The following ELMO1 variants were observed in gnomAD, a reference collection of about 807,000 sequenced individuals.
ELMO1 encodes the protein engulfment and cell motility protein 1.
A neutral mutation model predicts 98.9 loss-of-function variants in ELMO1; 26 were observed. The observed-to-expected ratio is 0.26, with a 90% CI of 0.19 to 0.36. The LOEUF is 0.36. Among genes scored for constraint, ELMO1 ranks in the 10% least tolerant of loss-of-function variants. ELMO1 has a pLI of 1.00. For missense variants in ELMO1, 627 were observed against 935.2 expected, an observed-to-expected ratio of 0.67 and a Z score of 4.30; for synonymous variants, 346 against 346.0, an observed-to-expected ratio of 1.00 and a Z score of 0.00.
chr7:37,327,908 A>G (rs565108315), intron 2 of ELMO1, among the ~76,000 whole-genome samples: 1 of 152,162 alleles, frequency 6.6e-6, no homozygotes, highest in Admixed American at 6.5e-5. Flanking sequence ...CCTACCTTCA[A>G]TATATCATCA....
intron 13 of ELMO1, among the ~76,000 whole-genome samples, chr7:37,140,835 C>T (rs972932506): frequency 1.3e-5 from 2 of 152,132 alleles, no homozygotes; most frequent in Admixed American, 1.3e-4. Flanking sequence ...CAATGCAATA[C>T]CACCTGACTC....
Position 36,887,556 on chromosome 7 carries a change from A to C in ELMO1, c.1714+4T>G. On this transcript the variant is annotated splice_donor_region_variant and intron_variant, in intron 18 of 21. Coordinates refer to ENST00000310758, the MANE Select transcript of ELMO1 (RefSeq NM_014800.11). ...CAAGTTTGGAGTGTCCCCAGAAACA[A>C]TACCTTGCCTCCGCCGGGCATTGAG... 1.2e-6 allele frequency: 2 copies of C among 1,613,938 alleles called. No individual in the cohort carries two copies. The highest frequency in any genetic ancestry group is 2.2e-5 in the South Asian group (2 of 91,068).
intron 16 of ELMO1, among the ~76,000 whole-genome samples, chr7:36,929,556 T>G (rs1298680189): frequency 6.6e-6 from 1 of 152,222 alleles, no homozygotes; most frequent in Non-Finnish European, 1.5e-5. Context: ...TTATTAAGCA[T>G]GCTTTATGGT....
chr7:37,111,106 C>T (rs1397610341), intron 14 of ELMO1, among the ~76,000 whole-genome samples: 1 of 152,190 alleles, frequency 6.6e-6, no homozygotes, highest in Non-Finnish European at 1.5e-5. Flanking sequence ...TTGTTTGTAC[C>T]TCAGCCATTC....
intron 15 of ELMO1, among the ~76,000 whole-genome samples, chr7:37,095,960 A>G (rs1341710115): frequency 6.6e-6 from 1 of 152,240 alleles, no homozygotes; most frequent in Non-Finnish European, 1.5e-5. Context: ...CGACAATGAT[A>G]ATAGGGACAG....
At chr7:37,136,631 A>C (rs1436845576) in intron 13 of ELMO1, among the ~76,000 whole-genome samples, 1 of 152,214 alleles carries the variant, frequency 6.6e-6, no homozygotes, top group African/African-American at 2.4e-5. Context: ...ACTAAGCTTC[A>C]TAAGTGAAGG....
chr7:37,316,378 A>G (rs1799158517), intron 2 of ELMO1, among the ~76,000 whole-genome samples: 1 of 152,262 alleles, frequency 6.6e-6, no homozygotes, highest in Non-Finnish European at 1.5e-5. Context: ...GCCTGGATTC[A>G]TGATATTTTT....
At chr7:37,318,594 GAT>G (rs1016953707) in intron 2 of ELMO1, among the ~76,000 whole-genome samples, 8 of 152,058 alleles carry the variant, frequency 5.3e-5, no homozygotes, top group African/African-American at 1.9e-4. Context: ...AATGAAGTTG[GAT>G]ATATGAAAGG....
At chr7:37,344,424 A>G (rs979419863) in intron 1 of ELMO1, among the ~76,000 whole-genome samples, 1 of 152,224 alleles carries the variant, frequency 6.6e-6, no homozygotes, top group Non-Finnish European at 1.5e-5. Context: ...TCACAGCTAC[A>G]TAGTAGTTCA....
At chr7:37,172,308 T>TA (rs35800288) in intron 13 of ELMO1, among the ~76,000 whole-genome samples, 4,587 of 147,128 alleles carry the variant, frequency 0.031, 126 homozygotes, top group East Asian at 0.14. Context: ...GTGCTTACAT[T>TA]AAAAAAAAAA....
chr7:36,887,172 T>C (rs1805084382), intron 18 of ELMO1, among the ~76,000 whole-genome samples: 1 of 152,192 alleles, frequency 6.6e-6, no homozygotes, highest in Non-Finnish European at 1.5e-5. Flanking sequence ...CTTAGGGTTA[T>C]GGTGAGGATA....
chr7:37,308,815 A>G (rs73112606), intron 4 of ELMO1, among the ~76,000 whole-genome samples: 197 of 152,304 alleles, frequency 1.3e-3, no homozygotes, highest in Middle Eastern at 6.8e-3. Flanking sequence ...TGCTTGCCAA[A>G]GGCTGGGGAC....
intron 16 of ELMO1, among the ~76,000 whole-genome samples, chr7:37,005,734 T>C (rs1793069507): frequency 6.7e-6 from 1 of 149,704 alleles, no homozygotes; most frequent in Admixed American, 6.7e-5. Context: ...ACTACTAAGT[T>C]AATCACTAAA....
At chr7:37,340,537 A>G (rs1464514370) in intron 2 of ELMO1, among the ~76,000 whole-genome samples, 1 of 152,224 alleles carries the variant, frequency 6.6e-6, no homozygotes. Context: ...TAAGGACATT[A>G]GTGGAAAATC....
chr7:37,225,568 C>CG (rs1793821616), intron 8 of ELMO1, among the ~76,000 whole-genome samples: 1 of 151,864 alleles, frequency 6.6e-6, no homozygotes, highest in African/African-American at 2.4e-5. Flanking sequence ...CTCTCTTAAA[C>CG]GAAAAACTCG....
chr7:36,864,121 G>T (rs1488855612), intron 20 of ELMO1, among the ~76,000 whole-genome samples: 1 of 152,190 alleles, frequency 6.6e-6, no homozygotes, highest in African/African-American at 2.4e-5. Context: ...ACTGCTCAGG[G>T]AAATCACGTG....
At chr7:36,950,410 G>A (rs967076169) in intron 16 of ELMO1, among the ~76,000 whole-genome samples, 1 of 152,132 alleles carries the variant, frequency 6.6e-6, no homozygotes, top group African/African-American at 2.4e-5. Context: ...ACTCTTCACA[G>A]TGGGTGACTG....
chr7:36,919,537 T>C, intron 16 of ELMO1: 1 of 389,294 alleles, frequency 2.6e-6, no homozygotes, highest in Non-Finnish European at 5.7e-6. Flanking sequence ...AATGGGATAA[T>C]GGCATCAACC....
At chr7:36,873,189 T>C (rs915288733) in intron 19 of ELMO1, among the ~76,000 whole-genome samples, 3 of 152,222 alleles carry the variant, frequency 2.0e-5, no homozygotes, top group African/African-American at 7.2e-5. Flanking sequence ...AAGGTTGCTT[T>C]TTGCATAGTT....
Sources: allele counts gnomAD v4.1 joint callset (sites outside exome capture counted in the v4.1 genomes callset), GRCh38; gene constraint gnomAD v4.1.1; transcripts MANE v1.5; gene names NCBI Gene and HGNC (gene_info 2026-07-23, HGNC 2026-07-21).